The following KLF12 variants were observed in gnomAD, a reference collection of about 807,000 sequenced individuals.
KLF12 encodes KLF transcription factor 12, also known as Krueppel-like factor 12.
KLF12 carries 9 observed loss-of-function variants against 37.8 expected under a neutral mutation model. The observed-to-expected ratio is 0.24, with a 90% CI of 0.14 to 0.42. KLF12 has a LOEUF of 0.42. KLF12 is among the 10% of genes least tolerant of loss of function. The pLI, the probability that KLF12 is intolerant of heterozygous loss-of-function variation, is 1.00. For missense variants in KLF12, 411 were observed against 516.0 expected (o/e 0.80, Z 1.97); for synonymous variants, 208 against 202.1 (o/e 1.03, Z -0.25).
At chr13:73,817,908 ATTTG>A (rs1883320997) in intron 4 of KLF12, among the ~76,000 whole-genome samples, 1 of 152,240 alleles carries the variant, frequency 6.6e-6, no homozygotes, top group Non-Finnish European at 1.5e-5. Flanking sequence ...GCAAAATTAG[ATTTG>A]TTTACTTTTA....
chr13:73,789,663 TATCTCTA>T (rs1881547701), intron 5 of KLF12, among the ~76,000 whole-genome samples: 1 of 150,008 alleles, frequency 6.7e-6, no homozygotes, highest in African/African-American at 2.5e-5. Context: ...CCAAATACAC[TATCTCTA>T]ATCTTTTTTT....
At chr13:73,932,264 T>C (rs892012442) in intron 3 of KLF12, among the ~76,000 whole-genome samples, 13 of 152,206 alleles carry the variant, frequency 8.5e-5, no homozygotes, top group Admixed American at 3.3e-4. Flanking sequence ...TTAAGATAGA[T>C]GAAAAGAAGT....
At chr13:73,822,052 C>G (rs901989590) in intron 4 of KLF12, among the ~76,000 whole-genome samples, 13 of 152,192 alleles carry the variant, frequency 8.5e-5, no homozygotes, top group Non-Finnish European at 1.9e-4. Context: ...CCCTTGTACA[C>G]AGTAAAATGT....
chr13:73,985,484 T>C (rs1395706388), intron 2 of KLF12, among the ~76,000 whole-genome samples: 2 of 152,160 alleles, frequency 1.3e-5, no homozygotes, highest in Non-Finnish European at 2.9e-5. Flanking sequence ...CAACCAGTGA[T>C]TATCACAGTG....
chr13:73,963,968 T>G (rs923646223), intron 2 of KLF12, among the ~76,000 whole-genome samples: 1 of 152,214 alleles, frequency 6.6e-6, no homozygotes, highest in Non-Finnish European at 1.5e-5. Flanking sequence ...ACTATGGGAT[T>G]ATGAGGTGGA....
chr13:73,991,699 T>C (rs2138249177), intron 2 of KLF12, among the ~76,000 whole-genome samples: 1 of 152,342 alleles, frequency 6.6e-6, no homozygotes, highest in South Asian at 2.1e-4. Context: ...TCCACTTTTA[T>C]TGTCCAGGCA....
the KLF12 span, among the ~76,000 whole-genome samples, chr13:74,159,840 G>A: frequency 2.2e-4 from 33 of 151,916 alleles, no homozygotes; most frequent in Non-Finnish European, 4.0e-4. Flanking sequence ...GCAACATGGC[G>A]AAACCCTGTC....
chr13:74,013,111 G>GCCC, intron 1 of KLF12, among the ~76,000 whole-genome samples: 1 of 152,286 alleles, frequency 6.6e-6, no homozygotes, highest in East Asian at 1.9e-4. Context: ...CACAAGAAAG[G>GCCC]CCCCTCATGG....
the KLF12 span, among the ~76,000 whole-genome samples, chr13:74,157,684 T>C: frequency 1.6e-4 from 24 of 152,216 alleles, no homozygotes; most frequent in African/African-American, 5.8e-4. Context: ...AGACCAGTCA[T>C]TAAGCTTCCT....
At chr13:74,073,312 T>TA (rs1430265769) in intron 1 of KLF12, among the ~76,000 whole-genome samples, 1 of 152,208 alleles carries the variant, frequency 6.6e-6, no homozygotes, top group Non-Finnish European at 1.5e-5. Context: ...CAAGATTTTT[T>TA]AAAAAATCAG....
At chr13:73,739,411 G>C (rs1877788739) in intron 6 of KLF12, among the ~76,000 whole-genome samples, 2 of 151,992 alleles carry the variant, frequency 1.3e-5, no homozygotes, top group Non-Finnish European at 2.9e-5. Flanking sequence ...TCTGGGCTGG[G>C]AATATATTAA....
At chr13:74,240,992 T>A in the KLF12 span, among the ~76,000 whole-genome samples, 1 of 152,134 alleles carries the variant, frequency 6.6e-6, no homozygotes, top group Non-Finnish European at 1.5e-5. Flanking sequence ...GGTGAGGAAC[T>A]GCGTTCCTTT....
the KLF12 span, among the ~76,000 whole-genome samples, chr13:74,197,970 A>C: frequency 6.6e-6 from 1 of 152,048 alleles, no homozygotes; most frequent in Non-Finnish European, 1.5e-5. Context: ...CCTTTTAGGG[A>C]GTGAAAGAGT....
intron 7 of KLF12, among the ~76,000 whole-genome samples, chr13:73,709,993 A>G (rs1313968361): frequency 6.6e-6 from 1 of 152,206 alleles, no homozygotes; most frequent in Non-Finnish European, 1.5e-5. Context: ...AGTCATTTCA[A>G]TTTATTAGAA....
intron 1 of KLF12, among the ~76,000 whole-genome samples, chr13:74,100,581 C>T (rs1300568154): frequency 1.3e-5 from 2 of 152,078 alleles, no homozygotes; most frequent in Non-Finnish European, 2.9e-5. Context: ...CATGCCACTG[C>T]ACTCCAGCCA....
In KLF12 at chr13:73,845,819, T is replaced by C. The variant is rs1884980152; in HGVS notation, c.670+8A>G. 6.2e-7 allele frequency: 1 copy of C among 1,608,664 alleles called. No individual in the cohort carries two copies. Among genetic ancestry groups the C allele is most frequent in the Non-Finnish European group, 8.5e-7 (1 of 1,176,810 alleles). On this transcript the variant is annotated splice_region_variant and intron_variant, in intron 4 of 7. Coordinates refer to ENST00000377669, the MANE Select transcript of KLF12 (RefSeq NM_007249.5). ...TGAAATAAATCAAGGCTTGTTTATG[T>C]CTCTTACCTTTGCCATGGCCTCTCC... is the stretch of plus-strand genomic sequence containing the variant.
the KLF12 span, among the ~76,000 whole-genome samples, chr13:74,161,668 A>C: frequency 3.9e-5 from 6 of 152,232 alleles, no homozygotes; most frequent in African/African-American, 7.2e-5. Context: ...TTGTTACAGC[A>C]GCCCTAGGAA....
the KLF12 span, among the ~76,000 whole-genome samples, chr13:74,228,140 A>G: frequency 6.6e-6 from 1 of 152,068 alleles, no homozygotes. Flanking sequence ...AGTTTATTTT[A>G]CCTGTCTACT....
chr13:73,879,813 C>A (rs1566434741), intron 3 of KLF12, among the ~76,000 whole-genome samples: 1 of 152,138 alleles, frequency 6.6e-6, no homozygotes, highest in African/African-American at 2.4e-5. Flanking sequence ...TTTGCATATC[C>A]CCCTCCAGCT....
Sources: gnomAD v4.1 joint callset for allele counts (sites outside exome capture counted in the v4.1 genomes callset) on GRCh38, gnomAD v4.1.1 for gene constraint, MANE v1.5 for transcripts, NCBI Gene and HGNC (gene_info 2026-07-23, HGNC 2026-07-21) for gene names.